The following PIP4K2C variants were observed in gnomAD, a reference collection of about 807,000 sequenced individuals.
The protein encoded by PIP4K2C is phosphatidylinositol 5-phosphate 4-kinase type-2 gamma.
PIP4K2C carries 21 observed loss-of-function variants against 45.0 expected under a neutral mutation model. The observed-to-expected ratio is 0.47, with a 90% confidence interval of 0.33 to 0.67. The LOEUF is 0.67. PIP4K2C is among the 30% of genes least tolerant of loss of function. PIP4K2C has a pLI of 0.02. For missense variants in PIP4K2C, 456 were observed against 542.8 expected, an observed-to-expected ratio of 0.84 and a Z score of 1.59; for synonymous variants, 201 against 204.8, an observed-to-expected ratio of 0.98 and a Z score of 0.16.
In PIP4K2C at chr12:57,591,229, G is replaced by A; in HGVS notation, c.-61G>A. The A allele has an allele frequency of 6.5e-7, 1 of 1,531,740 alleles. No homozygotes were observed. The highest frequency in any genetic ancestry group is 1.2e-5 in the South Asian group (1 of 81,418). The allele number at this position is 1,531,740 out of a possible 1,614,324, so 94.9% of individuals were successfully genotyped here. ...GCAGCGCAGGTGAGCGCCGCTTCCG[G>A]GGTCGGGCGCCTGGATAGCTGCCGG... On this transcript the variant is annotated 5_prime_UTR_variant, in exon 1 of 10. Transcript: ENST00000354947.
At chr12:57,594,301 T>A (rs1373217451) in intron 2 of PIP4K2C, among the ~76,000 whole-genome samples, 179 bp downstream of exon 2, 2 of 152,254 alleles carry the variant, frequency 1.3e-5, no homozygotes, top group Non-Finnish European at 2.9e-5. Flanking sequence ...GAATCAGTGT[T>A]ATCTCTCCTC....
In PIP4K2C at chr12:57,594,627, C is replaced by T. The variant is rs564664659; in HGVS notation, c.273-499C>T. Among the ~76,000 whole-genome samples, 50 of 152,284 alleles carry T rather than the reference C, an allele frequency of 3.3e-4. No homozygotes were observed. The South Asian group carries it at 0.01, about 32-fold the overall frequency. On this transcript the variant is annotated intron_variant, in intron 2 of 9. Coordinates refer to ENST00000354947, the MANE Select transcript of PIP4K2C (RefSeq NM_024779.5). Reference sequence around the variant, plus strand: ...GTTACTTAGGCAGGTCACTGAATCACTCTGAGACAGTCTCCTCTTCTATAA... The same window carrying T: ...GTTACTTAGGCAGGTCACTGAATCATTCTGAGACAGTCTCCTCTTCTATAA...
chr12:57,596,484 TA>T (rs76543234), intron 4 of PIP4K2C, among the ~76,000 whole-genome samples: 2,272 of 93,440 alleles, frequency 0.024, 33 homozygotes, highest in African/African-American at 0.064. Context: ...AAACTCCGCC[TA>T]AAAAAAAAAA....
chr12:57,595,038 G>T (rs1883127757), intron 2 of PIP4K2C, 88 bp from the exon 3 acceptor site: 1 of 798,668 alleles, frequency 1.3e-6, no homozygotes, highest in Non-Finnish European at 2.2e-6. Flanking sequence ...ATCAAATGAG[G>T]TAATATGTCT....
Position 57,601,067 on chromosome 12 carries a change from G to T in PIP4K2C, c.1070G>T (p.Arg357Leu). ...TCCTTCATTGATGTCTATGCCATCCGGAGTGCTGAAGGTGAGAGAACCGGG... is the reference window on the plus strand; with the variant it reads ...TCCTTCATTGATGTCTATGCCATCCTGAGTGCTGAAGGTGAGAGAACCGGG... ...FESFIDVYAI[R>L]SAEGAPQKEV... The change falls in exon 8 of 10, where the codon CGG becomes CTG. Residue 357 changes from arginine to leucine, a missense_variant. Transcript: ENST00000354947. 6.2e-7 allele frequency: 1 copy of T among 1,613,376 alleles called. No individual in the cohort carries two copies. Among genetic ancestry groups the T allele is most frequent in the East Asian group, 2.2e-5 (1 of 44,876 alleles).
chr12:57,599,982 T>C (rs963077381), intron 6 of PIP4K2C, among the ~76,000 whole-genome samples: 7 of 149,220 alleles, frequency 4.7e-5, no homozygotes, highest in African/African-American at 1.5e-4. Context: ...AGGTCGCGGC[T>C]ACAGTGAGCT....
In PIP4K2C at chr12:57,599,396, G is replaced by T; in HGVS notation, c.661-4G>T. The T allele has an allele frequency of 8.7e-6, 14 of 1,614,122 alleles. No individual in the cohort carries two copies. Among genetic ancestry groups the T allele is most frequent in the Non-Finnish European group, 1.2e-5 (14 of 1,180,014 alleles). The stretch of plus-strand genomic sequence containing the variant: ...ACTGACTTGGTGTTTGGGTCTTTCT[G>T]CAGGGTTCCCTAGTGTCCCGGGAAG... On this transcript the variant is annotated splice_region_variant and splice_polypyrimidine_tract_variant and intron_variant, in intron 5 of 9. Coordinates refer to ENST00000354947, the MANE Select transcript of PIP4K2C (RefSeq NM_024779.5).
At chr12:57,598,745 C>T (rs1319210924) in intron 4 of PIP4K2C, among the ~76,000 whole-genome samples, 1 of 151,912 alleles carries the variant, frequency 6.6e-6, no homozygotes, top group Admixed American at 6.6e-5. Context: ...TGGTTCTGTG[C>T]CACTTGCATA....
Position 57,592,319 on chromosome 12 carries a change from T to C in PIP4K2C, c.174+856T>C, listed in dbSNP as rs576755123. 2.6e-5 allele frequency among the ~76,000 whole-genome samples: 4 copies of C among 152,248 alleles called. No individual in the cohort carries two copies. The East Asian group carries it at 7.7e-4, about 29-fold the overall frequency. On this transcript the variant is annotated intron_variant, in intron 1 of 9. Transcript: ENST00000354947. ...CAGCCATTGCCCATCTTCCGTCAGG[T>C]CTGGAGTGGGAGAAATGCAGTTATC...
chr12:57,596,064 C>T (rs752936541), intron 4 of PIP4K2C, 33 bp downstream of exon 4: 13 of 1,596,786 alleles, frequency 8.1e-6, no homozygotes, highest in Non-Finnish European at 1.1e-5. Context: ...TTCTTTCCCT[C>T]TCCTCCCTAC....
At chr12:57,599,461 G>T in intron 6 of PIP4K2C, 23 bp downstream of exon 6, 1 of 1,614,016 alleles carries the variant, frequency 6.2e-7, no homozygotes, top group Non-Finnish European at 8.5e-7. Flanking sequence ...TTATGTGCTA[G>T]GGTGAGGGAT....
Position 57,600,330 on chromosome 12 carries a change from G to C in PIP4K2C, c.706G>C (p.Glu236Gln). ...TCCCTTTACATATTCTTAGGTTAAA[G>C]AATTGCCCACCCTTAAGGATATGGA... ...REASDKEKVK[E>Q]LPTLKDMDFL... is the part of the protein sequence containing the mutation. The change falls in exon 7 of 10, where the codon GAA (glutamate) becomes CAA (glutamine). Residue 236 changes from glutamate (E) to glutamine (Q), a missense_variant. Physicochemically the swap from Glu to Gln is conservative, Grantham distance 29 (BLOSUM62 2). Around this residue, in one of 2 missense-constraint regions of PIP4K2C, gnomAD observed 421 missense variants for 473.1 expected, o/e 0.89. Coordinates refer to ENST00000354947, the MANE Select transcript of PIP4K2C (RefSeq NM_024779.5). 1 of 1,595,612 alleles carries C rather than the reference G, an allele frequency of 6.3e-7. No individual in the cohort carries two copies. The highest frequency in any genetic ancestry group is 8.6e-7 in the Non-Finnish European group (1 of 1,164,936).
rs760738196 is a variant in PIP4K2C, at chr12:57,601,554, C to T, written c.1214C>T (p.Pro405Leu). The change falls in exon 10 of 10, where the codon CCG becomes CTG. Residue 405 changes from proline to leucine, a missense_variant. Pro to Leu is a moderately conservative substitution (Grantham distance 98). Transcript: ENST00000354947. The part of the protein sequence containing the change: ...GAGAEISTVH[P>L]EQYAKRFLDF... ...GGGGCAGAGATCTCTACTGTCCATCCGGAGCAGTATGCTAAGCGATTCCTG... is the reference window on the plus strand; with the variant it reads ...GGGGCAGAGATCTCTACTGTCCATCTGGAGCAGTATGCTAAGCGATTCCTG... 4 of 1,613,340 alleles carry T rather than the reference C, an allele frequency of 2.5e-6. No individual in the cohort carries two copies. The highest frequency in any genetic ancestry group is 1.3e-5 in the African/African-American group (1 of 74,974).
chr12:57,596,076 C>T, intron 4 of PIP4K2C, 45 bp downstream of exon 4: 1 of 1,579,760 alleles, frequency 6.3e-7, no homozygotes, highest in Non-Finnish European at 8.7e-7. Flanking sequence ...CCTCCCTACT[C>T]ACATATAGCT....
At chr12:57,601,399 A>G in intron 9 of PIP4K2C, 51 bp downstream of exon 9, 3 of 1,560,762 alleles carry the variant, frequency 1.9e-6, no homozygotes, top group Admixed American at 1.7e-5. Context: ...TTCTTTGGGA[A>G]TAGAGTCTCT....
At chr12:57,595,389 T>G (rs150104921) in intron 3 of PIP4K2C, among the ~76,000 whole-genome samples, 167 bp downstream of exon 3, 57 of 152,302 alleles carry the variant, frequency 3.7e-4, no homozygotes, top group African/African-American at 1.3e-3. Flanking sequence ...AACCTTGTCC[T>G]TGGGGGAAAA....
chr12:57,593,814 G>T (rs1234380734), intron 1 of PIP4K2C, among the ~76,000 whole-genome samples: 1 of 151,346 alleles, frequency 6.6e-6, no homozygotes, highest in Non-Finnish European at 1.5e-5. Context: ...GGCGTGTTGG[G>T]GGCTGTGTGT....
chr12:57,599,000 T>G, intron 4 of PIP4K2C, 65 bp from the exon 5 acceptor site: 1 of 1,555,824 alleles, frequency 6.4e-7, no homozygotes, highest in Non-Finnish European at 8.8e-7. Context: ...TGTTTGAACT[T>G]CCCTGGGCTG....
intron 7 of PIP4K2C, 131 bp downstream of exon 7, chr12:57,600,568 G>A: frequency 1.2e-6 from 1 of 802,878 alleles, no homozygotes; most frequent in South Asian, 1.7e-5. Context: ...CTATATGGGG[G>A]TTTAGTATGA....
Sources: gnomAD v4.1 joint callset for allele counts (sites outside exome capture counted in the v4.1 genomes callset) on GRCh38, gnomAD v4.1.1 for gene constraint, gnomAD v4.1.1 regional missense constraint, MANE v1.5 for transcripts, NCBI Gene and HGNC (gene_info 2026-07-23, HGNC 2026-07-21) for gene names.